SLC30A9: variants seen among roughly 807,000 people sequenced by gnomAD.
SLC30A9 encodes solute carrier family 30 member 9.
A neutral mutation model predicts 87.5 loss-of-function variants in SLC30A9; 58 were observed. The ratio of observed to expected loss-of-function variants is 0.66; its 90% CI spans 0.54 to 0.82. The LOEUF (loss-of-function observed/expected upper bound fraction) is 0.82, where lower values mean the gene tolerates loss of function less well. SLC30A9 is among the 40% of genes least tolerant of loss of function. SLC30A9 has a pLI of 0.00. For synonymous variants in SLC30A9, 234 were observed against 233.0 expected (o/e 1.00, Z -0.04); for missense variants, 557 against 679.1 (o/e 0.82, Z 2.00).
chr4:42,061,127 G>A (rs1250433752), intron 10 of SLC30A9, among the ~76,000 whole-genome samples: 1 of 152,030 alleles, frequency 6.6e-6, no homozygotes, highest in Non-Finnish European at 1.5e-5. Context: ...ATTTTAGGTT[G>A]TGAAGATTTC....
intron 2 of SLC30A9, among the ~76,000 whole-genome samples, chr4:42,011,951 A>T (rs1715462887): frequency 6.6e-6 from 1 of 152,228 alleles, no homozygotes. Flanking sequence ...CTGAAGGCAC[A>T]TAGGAAGGCA....
At chr4:42,082,679 C>T (rs1436175952) in intron 17 of SLC30A9, among the ~76,000 whole-genome samples, 5 of 152,142 alleles carry the variant, frequency 3.3e-5, no homozygotes, top group African/African-American at 4.8e-5. Flanking sequence ...GAAACCCCAT[C>T]TCTACTAAAA....
intron 17 of SLC30A9, 59 bp downstream of exon 17, chr4:42,078,384 A>G (rs1232905233): frequency 1.0e-5 from 9 of 861,894 alleles, no homozygotes; most frequent in Non-Finnish European, 1.7e-5. Context: ...TTGAGTACTT[A>G]CTCTACAGCA....
rs543694934 is a variant in SLC30A9, at chr4:42,019,242, G to T, written c.334+1072G>T. ...ACATGAAGTGAATAGATGACAATTC[G>T]AAATAGAACACATAAGTTTGTTATT... On this transcript the variant is annotated intron_variant, in intron 3 of 17. Coordinates refer to ENST00000264451, the MANE Select transcript of SLC30A9 (RefSeq NM_006345.4). 9.9e-5 allele frequency among the ~76,000 whole-genome samples: 15 copies of T among 152,162 alleles called. No individual in the cohort carries two copies. In the South Asian group the frequency reaches 3.1e-3, roughly 32 times the overall value.
intron 8 of SLC30A9, among the ~76,000 whole-genome samples, chr4:42,049,088 A>G (rs542460784): frequency 1.3e-5 from 2 of 152,194 alleles, no homozygotes; most frequent in Admixed American, 1.3e-4. Flanking sequence ...TCAGCCTCTC[A>G]GTAGCTGGGA....
At chr4:42,057,384 C>T (rs1455915850) in intron 9 of SLC30A9, among the ~76,000 whole-genome samples, 3 of 152,224 alleles carry the variant, frequency 2.0e-5, no homozygotes, top group Non-Finnish European at 2.9e-5. Context: ...TTCCAAACCT[C>T]AGTTCTTGAC....
chr4:42,049,380 T>G lies in SLC30A9; in HGVS notation c.741T>G (p.Asn247Lys), dbSNP rs1717296915. 6.3e-7 allele frequency: 1 copy of G among 1,599,582 alleles called. No homozygotes were observed. The highest frequency in any genetic ancestry group is 2.2e-5 in the East Asian group (1 of 44,704). Residue 247 changes from asparagine (N) to lysine (K), a missense_variant, in exon 9 of 18, where the codon AAT (asparagine) becomes AAG (lysine). By Grantham distance (94) the Asn-to-Lys change is moderately conservative. This residue lies in a region of SLC30A9 where 467 missense variants were observed against 529.8 expected (regional missense o/e 0.88). Coordinates refer to ENST00000264451, the MANE Select transcript of SLC30A9 (RefSeq NM_006345.4). The part of the protein sequence containing the change: ...GKVVMVAICI[N>K]GLNCFFKFLA... Reference sequence around the variant, plus strand: ...TTGTTTTCTCTTTCTCTTCTAGCAATGGATTAAACTGCTTCTTTAAATTTC... The same window carrying G: ...TTGTTTTCTCTTTCTCTTCTAGCAAGGGATTAAACTGCTTCTTTAAATTTC...
intron 8 of SLC30A9, among the ~76,000 whole-genome samples, chr4:42,046,659 A>G (rs2153138185): frequency 6.6e-6 from 1 of 152,328 alleles, no homozygotes; most frequent in African/African-American, 2.4e-5. Context: ...GTACTGCGCA[A>G]AGTAATTAAT....
intron 6 of SLC30A9, among the ~76,000 whole-genome samples, chr4:42,034,552 A>G (rs758502473): frequency 6.6e-6 from 1 of 152,072 alleles, no homozygotes; most frequent in Non-Finnish European, 1.5e-5. Context: ...GGCTTATTTC[A>G]CTTAGCATAG....
At chr4:42,065,666 G>A (rs1718051518) in intron 12 of SLC30A9, among the ~76,000 whole-genome samples, 1 of 152,210 alleles carries the variant, frequency 6.6e-6, no homozygotes, top group African/African-American at 2.4e-5. Flanking sequence ...GACAGTAACT[G>A]ATGTGGCATG....
chr4:42,014,163 A>G (rs1447872767), intron 2 of SLC30A9, among the ~76,000 whole-genome samples: 4 of 152,190 alleles, frequency 2.6e-5, no homozygotes, highest in Non-Finnish European at 5.9e-5. Flanking sequence ...GAGAAGTGCA[A>G]ATCAAAACTA....
chr4:42,009,696 A>G (rs138033838), intron 2 of SLC30A9, among the ~76,000 whole-genome samples: 1 of 152,374 alleles, frequency 6.6e-6, no homozygotes, highest in East Asian at 1.9e-4. Flanking sequence ...TGTGCTGTAT[A>G]ACACTATATA....
chr4:42,082,265 T>C (rs1196011899), intron 17 of SLC30A9, among the ~76,000 whole-genome samples: 2 of 151,788 alleles, frequency 1.3e-5, no homozygotes, highest in Non-Finnish European at 2.9e-5. Context: ...TAATAAAGCA[T>C]AATTAATCTT....
chr4:42,013,287 A>G (rs1244072553), intron 2 of SLC30A9, among the ~76,000 whole-genome samples: 2 of 152,140 alleles, frequency 1.3e-5, no homozygotes, highest in African/African-American at 2.4e-5. Flanking sequence ...TCCTAAAAAA[A>G]TAATAATAAT....
intron 9 of SLC30A9, among the ~76,000 whole-genome samples, chr4:42,054,702 G>C (rs866474955): frequency 6.6e-6 from 1 of 151,796 alleles, no homozygotes; most frequent in Non-Finnish European, 1.5e-5. Flanking sequence ...GTGTTAGCCA[G>C]GATGGTTTCG....
intron 7 of SLC30A9, among the ~76,000 whole-genome samples, chr4:42,036,366 A>G (rs1463857106): frequency 6.6e-6 from 1 of 152,174 alleles, no homozygotes; most frequent in African/African-American, 2.4e-5. Flanking sequence ...AAGGAAATTA[A>G]TATTGGGACA....
rs2153141871 is a variant in SLC30A9 at position 42,086,214 on chromosome 4, A to G, written c.*88A>G. The G allele has an allele frequency of 6.7e-6, 5 of 740,996 alleles. No individual in the cohort carries two copies. Among genetic ancestry groups the G allele is most frequent in the Non-Finnish European group, 1.1e-5 (5 of 451,782 alleles). 45.9% of individuals were successfully genotyped at this position (740,996 alleles called of 1,614,324 possible). On this transcript the variant is annotated 3_prime_UTR_variant, in exon 18 of 18. Transcript: ENST00000264451. Reference sequence around the variant, plus strand: ...AAGTTTCCTCCTCTCCTACACTGAAAGACTCAGTGCCATGCAGAAGCCTTT... The same window carrying G: ...AAGTTTCCTCCTCTCCTACACTGAAGGACTCAGTGCCATGCAGAAGCCTTT...
At position 42,080,320 on chromosome 4, in the gene SLC30A9, C is replaced by T. The variant is rs760000013; in HGVS notation, c.1662+1995C>T. On this transcript the variant is annotated intron_variant, in intron 17 of 17. Transcript: ENST00000264451. Reference sequence around the variant, plus strand: ...ACTCACTAGGACTCTTAGAACTCACCGAATCATGTTATACCCATCATGGTT... The same window carrying T: ...ACTCACTAGGACTCTTAGAACTCACTGAATCATGTTATACCCATCATGGTT... Among the ~76,000 whole-genome samples the T allele has an allele frequency of 4.6e-5, 7 of 152,060 alleles. No individual in the cohort carries two copies. In the South Asian group the frequency reaches 6.2e-4, roughly 14 times the overall value.
At chr4:42,047,647 C>T (rs537437523) in intron 8 of SLC30A9, among the ~76,000 whole-genome samples, 2 of 152,296 alleles carry the variant, frequency 1.3e-5, no homozygotes, top group East Asian at 3.9e-4. Context: ...TAAATTAGTT[C>T]AACCATTGTG....
Sources: allele counts gnomAD v4.1 joint callset (sites outside exome capture counted in the v4.1 genomes callset), GRCh38; gene constraint gnomAD v4.1.1; regional missense constraint gnomAD v4.1.1; transcripts MANE v1.5; gene names NCBI Gene and HGNC (gene_info 2026-07-23, HGNC 2026-07-21).